EDNRA: variants seen among roughly 807,000 people sequenced by gnomAD.
The protein encoded by EDNRA is endothelin receptor type A.
Under a neutral mutation model 41.4 loss-of-function variants are expected in EDNRA, and 11 were observed. The ratio of observed to expected loss-of-function variants is 0.27; its 90% CI spans 0.17 to 0.44. The LOEUF is 0.44. Ranked by LOEUF, EDNRA falls within the 20% of genes least tolerant of loss-of-function variation. The pLI, the probability that EDNRA is intolerant of heterozygous loss-of-function variation, is 1.00. For synonymous variants in EDNRA, 172 were observed against 183.0 expected, an observed-to-expected ratio of 0.94 and a Z score of 0.49; for missense variants, 294 against 531.0, an observed-to-expected ratio of 0.55 and a Z score of 4.39.
At chr4:147,499,910 T>G (rs1486065879) in intron 2 of EDNRA, among the ~76,000 whole-genome samples, 1 of 149,736 alleles carries the variant, frequency 6.7e-6, no homozygotes, top group Non-Finnish European at 1.5e-5. Context: ...GTTCAAGCGA[T>G]TCTCCTACCT....
At chr4:147,530,454 A>G (rs757873214) in intron 3 of EDNRA, among the ~76,000 whole-genome samples, 3 of 152,256 alleles carry the variant, frequency 2.0e-5, no homozygotes, top group Non-Finnish European at 4.4e-5. Context: ...AATCTTGATT[A>G]TATCATAAAA....
chr4:147,517,991 G>A (rs1730175014), intron 2 of EDNRA, among the ~76,000 whole-genome samples: 1 of 152,082 alleles, frequency 6.6e-6, no homozygotes, highest in South Asian at 2.1e-4. Flanking sequence ...ATTGTTAGAT[G>A]TGTGAATTGG....
intron 5 of EDNRA, among the ~76,000 whole-genome samples, chr4:147,538,843 T>C (rs548256947): frequency 1.1e-4 from 17 of 152,326 alleles, no homozygotes; most frequent in African/African-American, 3.6e-4. Flanking sequence ...ATGTTATATG[T>C]TTCAGGTTGA....
At chr4:147,491,701 T>C (rs1348322020) in intron 2 of EDNRA, 1 of 152,216 alleles carries the variant, frequency 6.6e-6, no homozygotes, top group Non-Finnish European at 1.5e-5. Flanking sequence ...AAATTCCGTA[T>C]GTGATAAGCA....
chr4:147,539,867 T>C lies in EDNRA; in HGVS notation c.951T>C (p.Leu317=), dbSNP rs755805509. Residue 317 remains leucine, a synonymous_variant, in exon 6 of 8, where the codon CTT becomes CTC. Transcript: ENST00000651419. ...TCTGCTTGGTTGTAATTTTTGCTCT[T>C]TGCTGGTTCCCTCTTCATTTAAGCC... ...TVFCLVVIFA[L]CWFPLHLSRI... The C allele has an allele frequency of 6.2e-7, 1 of 1,613,314 alleles. No homozygotes were observed. Among genetic ancestry groups the C allele is most frequent in the Admixed American group, 1.7e-5 (1 of 59,768 alleles).
At chr4:147,536,590 C>T (rs1018570464) in intron 5 of EDNRA, among the ~76,000 whole-genome samples, 1 of 152,040 alleles carries the variant, frequency 6.6e-6, no homozygotes, top group African/African-American at 2.4e-5. Flanking sequence ...GGTGGAAGAA[C>T]AGGAGTCTAG....
intron 2 of EDNRA, among the ~76,000 whole-genome samples, chr4:147,511,621 C>G (rs1238694982): frequency 6.6e-6 from 1 of 152,060 alleles, no homozygotes; most frequent in African/African-American, 2.4e-5. Flanking sequence ...TTCCCTTTTT[C>G]CTATTCATCA....
chr4:147,504,832 C>A (rs7686739), intron 2 of EDNRA, among the ~76,000 whole-genome samples: 2,213 of 151,398 alleles, frequency 0.015, 56 homozygotes, highest in African/African-American at 0.048. Context: ...GTGGCATGCA[C>A]CTGTGGTCCC....
rs869077171 is a variant in EDNRA, at chr4:147,505,327, A to ATTTTTTTTTTTTTTT, written c.421-14510_421-14496dup. On this transcript the variant is annotated intron_variant, in intron 2 of 7. Transcript: ENST00000651419. ...AGAGAGTTTGGCAGTTTCTTTTTTC[A>ATTTTTTTTTTTTTTT]TTTTTTTTTTTTTTTTTTTTTTTTT... Among the ~76,000 whole-genome samples, 35 of 79,684 alleles carry ATTTTTTTTTTTTTTT rather than the reference A, an allele frequency of 4.4e-4. 6 individuals carry two copies. Among genetic ancestry groups the ATTTTTTTTTTTTTTT allele is most frequent in the African/African-American group, 1.4e-3 (26 of 18,898 alleles). 52.3% of individuals were successfully genotyped at this position (79,684 alleles called of 152,430 possible).
chr4:147,542,762 C>A lies in EDNRA; in HGVS notation c.*144C>A. On this transcript the variant is annotated 3_prime_UTR_variant, in exon 8 of 8. Transcript: ENST00000651419. ...CAAGAAGAAATGCTTTCCAAAACCG[C>A]AAGGGTAGACTGGTTTATCCACCCA... is the stretch of plus-strand genomic sequence containing the variant. 1 of 1,043,692 alleles carries A rather than the reference C, an allele frequency of 9.6e-7. No individual in the cohort carries two copies. The highest frequency in any genetic ancestry group is 2.1e-4 in the Middle Eastern group (1 of 4,724). 64.7% of individuals were successfully genotyped at this position (1,043,692 alleles called of 1,614,324 possible). A position where few individuals can be genotyped will look rare whatever the true frequency, so the allele number is the denominator to read the frequency against.
chr4:147,542,409 A>G, intron 7 of EDNRA, 69 bp from the exon 8 acceptor site: 4 of 1,603,106 alleles, frequency 2.5e-6, no homozygotes, highest in Non-Finnish European at 2.6e-6. Context: ...AGCATGGCCC[A>G]GGGCCGCTGT....
At position 147,524,742 on chromosome 4, in the gene EDNRA, G is replaced by A. The variant is rs144179582; in HGVS notation, c.548+4764G>A. ...CTATTTTTACATTTCATTTGGTATT[G>A]ACCCTAAGCTTCAGGACTTGTATGT... On this transcript the variant is annotated intron_variant, in intron 3 of 7. Transcript: ENST00000651419. Among the ~76,000 whole-genome samples, 1,388 of 152,092 alleles carry A rather than the reference G, an allele frequency of 9.1e-3. 9 individuals carry two copies. Among genetic ancestry groups the A allele is most frequent in the Middle Eastern group, 0.041 (12 of 290 alleles).
At chr4:147,528,352 G>GCTTT (rs1560913595) in intron 3 of EDNRA, among the ~76,000 whole-genome samples, 2 of 132,024 alleles carry the variant, frequency 1.5e-5, no homozygotes, top group African/African-American at 6.7e-5. Flanking sequence ...TTCTTTTCTT[G>GCTTT]CTTTCTTTTT....
chr4:147,503,884 A>T (rs183017642), intron 2 of EDNRA, among the ~76,000 whole-genome samples: 1 of 152,110 alleles, frequency 6.6e-6, no homozygotes, highest in Non-Finnish European at 1.5e-5. Flanking sequence ...TATAAAAAAT[A>T]TTTATTAATT....
chr4:147,530,314 C>G (rs1730702647), intron 3 of EDNRA, among the ~76,000 whole-genome samples: 1 of 152,194 alleles, frequency 6.6e-6, no homozygotes, highest in Non-Finnish European at 1.5e-5. Context: ...GGGATATAGA[C>G]ATCCTGTCTC....
At chr4:147,537,939 T>C (rs891872339) in intron 5 of EDNRA, among the ~76,000 whole-genome samples, 5 of 152,190 alleles carry the variant, frequency 3.3e-5, no homozygotes, top group Admixed American at 3.3e-4. Context: ...CCTTGCCATC[T>C]TGACTAATAC....
At chr4:147,513,447 C>T (rs532043881) in intron 2 of EDNRA, among the ~76,000 whole-genome samples, 64 of 152,342 alleles carry the variant, frequency 4.2e-4, no homozygotes, top group African/African-American at 1.4e-3. Context: ...TTCTTGGTCA[C>T]ACACAGTGAC....
rs558065002 is a variant in EDNRA, at chr4:147,504,757, C to T, written c.421-15094C>T. Among the ~76,000 whole-genome samples the T allele has an allele frequency of 6.6e-5, 10 of 151,894 alleles. No homozygotes were observed. In the East Asian group the frequency reaches 1.9e-3, roughly 29 times the overall value. The stretch of plus-strand genomic sequence containing the variant: ...TTACTTTGAGCTCAGGAGTTAAGGA[C>T]CAGCCTGGGCAACATGGCAAATCTC... On this transcript the variant is annotated intron_variant, in intron 2 of 7. Transcript: ENST00000651419.
At chr4:147,538,367 T>G (rs1326531366) in intron 5 of EDNRA, among the ~76,000 whole-genome samples, 1 of 152,198 alleles carries the variant, frequency 6.6e-6, no homozygotes. Flanking sequence ...GTCAAAACCC[T>G]GCCAAGTGGC....
Sources: gnomAD v4.1 joint callset for allele counts (sites outside exome capture counted in the v4.1 genomes callset) on GRCh38, gnomAD v4.1.1 for gene constraint, MANE v1.5 for transcripts, NCBI Gene and HGNC (gene_info 2026-07-23, HGNC 2026-07-21) for gene names.